FGF12: variants seen among roughly 807,000 people sequenced by gnomAD.
The protein encoded by FGF12 is fibroblast growth factor 12.
FGF12 carries 14 observed loss-of-function variants against 23.6 expected under a neutral mutation model. The ratio of observed to expected loss-of-function variants is 0.59; its 90% CI spans 0.39 to 0.93. The LOEUF is 0.93. FGF12 is among the 40% of genes least tolerant of loss of function. FGF12 has a pLI of 0.00. For synonymous variants in FGF12, 62 were observed against 77.3 expected, an observed-to-expected ratio of 0.80 and a Z score of 1.04; for missense variants, 175 against 217.8, an observed-to-expected ratio of 0.80 and a Z score of 1.24.
intron 4 of FGF12, among the ~76,000 whole-genome samples, chr3:192,190,399 C>A (rs1461272763): frequency 1.4e-5 from 2 of 146,622 alleles, no homozygotes; most frequent in Non-Finnish European, 1.5e-5. Flanking sequence ...AACAGAGCTA[C>A]AATATTCTTT....
chr3:192,319,852 CA>C (rs1560067929), intron 4 of FGF12, among the ~76,000 whole-genome samples: 1 of 151,518 alleles, frequency 6.6e-6, no homozygotes, highest in African/African-American at 2.4e-5. Flanking sequence ...AACAGATACA[CA>C]CAAAAAAATA....
chr3:192,174,075 C>T (rs1310018042), intron 4 of FGF12, among the ~76,000 whole-genome samples: 1 of 152,200 alleles, frequency 6.6e-6, no homozygotes, highest in African/African-American at 2.4e-5. Flanking sequence ...CATACGCAAT[C>T]CTGCTTTTGA....
chr3:192,386,368 G>C (rs1720041507), intron 2 of FGF12, among the ~76,000 whole-genome samples: 1 of 152,076 alleles, frequency 6.6e-6, no homozygotes, highest in Non-Finnish European at 1.5e-5. Flanking sequence ...CTTAAATATG[G>C]CTTGCAGAAA....
Position 192,409,072 on chromosome 3 carries a change from GA to G in FGF12, c.14-48535del. On this transcript the variant is annotated intron_variant, in intron 2 of 5. Coordinates refer to ENST00000445105, the MANE Select transcript of FGF12 (RefSeq NM_004113.6). The surrounding 1 kb of genome is among the most constrained non-coding windows in gnomAD (Gnocchi z 4.8). ...ACTGCAAAGAGAGCGGGAGGCGAGG[GA>G]GGGGGGAGGGCGCGAGGGAGGGAGG... 1 of 803,300 alleles carries G rather than the reference GA, an allele frequency of 1.2e-6. No individual in the cohort carries two copies. The highest frequency in any genetic ancestry group is 1.5e-6 in the Non-Finnish European group (1 of 664,174). 49.8% of individuals were successfully genotyped at this position (803,300 alleles called of 1,614,324 possible).
At chr3:192,663,430 G>A (rs1716742650) in intron 2 of FGF12, among the ~76,000 whole-genome samples, 1 of 152,144 alleles carries the variant, frequency 6.6e-6, no homozygotes, top group Non-Finnish European at 1.5e-5. Flanking sequence ...GTCCAAGGCT[G>A]GTGGGTGACT....
At chr3:192,473,371 T>A (rs1577004351) in intron 2 of FGF12, among the ~76,000 whole-genome samples, 1 of 152,162 alleles carries the variant, frequency 6.6e-6, no homozygotes, top group South Asian at 2.1e-4. Flanking sequence ...CCATCCCTTA[T>A]CATGAGTTGA....
At chr3:192,385,114 AG>A (rs1719986400) in intron 2 of FGF12, among the ~76,000 whole-genome samples, 2 of 152,198 alleles carry the variant, frequency 1.3e-5, no homozygotes, top group South Asian at 4.1e-4. Context: ...AATGAATTTC[AG>A]TGTGTCTGTG....
chr3:192,365,330 G>T (rs1213236243), intron 2 of FGF12, among the ~76,000 whole-genome samples: 1 of 150,394 alleles, frequency 6.6e-6, no homozygotes, highest in African/African-American at 2.4e-5. Flanking sequence ...TAGATAAAAG[G>T]AGTCTAAAAA....
At chr3:192,704,150 C>T (rs1219661974) in intron 2 of FGF12, among the ~76,000 whole-genome samples, 3 of 152,138 alleles carry the variant, frequency 2.0e-5, no homozygotes, top group Non-Finnish European at 4.4e-5. Flanking sequence ...ATTTACTTTG[C>T]CCAGATCCAT....
intron 4 of FGF12, among the ~76,000 whole-genome samples, chr3:192,230,031 T>A (rs956896908): frequency 1.3e-5 from 2 of 152,130 alleles, no homozygotes; most frequent in Non-Finnish European, 2.9e-5. Context: ...TCTTTCTACT[T>A]AAGCTGTGGT....
At position 192,522,131 on chromosome 3, in the gene FGF12, G is replaced by A. The variant is rs989830669; in HGVS notation, c.14-161593C>T. The stretch of plus-strand genomic sequence containing the variant: ...GAGAATGGCGTGAACCCGGGAGGCG[G>A]AGCTTGCAATGAGCCGAGATCGCGC... On this transcript the variant is annotated intron_variant, in intron 2 of 5. Transcript: ENST00000445105. 2.7e-4 allele frequency among the ~76,000 whole-genome samples: 41 copies of A among 151,618 alleles called. No individual in the cohort carries two copies. In the East Asian group the frequency reaches 4.1e-3, roughly 15 times the overall value.
At chr3:192,472,361 T>C (rs896293801) in intron 2 of FGF12, among the ~76,000 whole-genome samples, 1 of 152,142 alleles carries the variant, frequency 6.6e-6, no homozygotes, top group Admixed American at 6.5e-5. Context: ...ATTGTCCGTA[T>C]TGGGTCAGGC....
At chr3:192,407,991 C>G in intron 2 of FGF12, 1 of 1,577,414 alleles carries the variant, frequency 6.3e-7, no homozygotes, top group South Asian at 1.2e-5. Flanking sequence ...AGGGCGTCCC[C>G]TCTGGGGAGC....
chr3:192,502,909 T>C (rs1017465755), intron 2 of FGF12, among the ~76,000 whole-genome samples: 5 of 152,248 alleles, frequency 3.3e-5, no homozygotes, highest in African/African-American at 1.2e-4. Flanking sequence ...AGCTAATATC[T>C]AGCTTAACAT....
At chr3:192,381,416 C>A (rs1445851970) in intron 2 of FGF12, among the ~76,000 whole-genome samples, 1 of 152,160 alleles carries the variant, frequency 6.6e-6, no homozygotes, top group African/African-American at 2.4e-5. Context: ...TCCACCAATA[C>A]CCTGGTCTTG....
intron 2 of FGF12, among the ~76,000 whole-genome samples, chr3:192,486,156 T>C (rs1396760507): frequency 6.6e-6 from 1 of 152,172 alleles, no homozygotes; most frequent in East Asian, 1.9e-4. Flanking sequence ...CAAGTCCTTT[T>C]ATGCAGTGAT....
intron 2 of FGF12, among the ~76,000 whole-genome samples, chr3:192,365,863 GAC>G: frequency 6.6e-6 from 1 of 151,346 alleles, no homozygotes; most frequent in Non-Finnish European, 1.5e-5. Context: ...CCAGAACAGA[GAC>G]AGAGCCAAGG....
chr3:192,383,903 G>A (rs1371602472), intron 2 of FGF12, among the ~76,000 whole-genome samples: 1 of 152,142 alleles, frequency 6.6e-6, no homozygotes, highest in African/African-American at 2.4e-5. Flanking sequence ...TGGCAGTGTT[G>A]ATGTTTTGAT....
In FGF12 at chr3:192,700,552, T is replaced by C. The variant is rs1718258265; in HGVS notation, c.13+26629A>G. Among the ~76,000 whole-genome samples the C allele has an allele frequency of 1.1e-4, 17 of 152,336 alleles. No individual in the cohort carries two copies. The South Asian group carries it at 2.7e-3, about 24-fold the overall frequency. ...TTGTTTTATGTTTAACTACTTAACA[T>C]GTTTGAGCAGATACATTATTAAAGG... On this transcript the variant is annotated intron_variant, in intron 2 of 5. Coordinates refer to ENST00000445105, the MANE Select transcript of FGF12 (RefSeq NM_004113.6).
Sources: allele counts gnomAD v4.1 joint callset (sites outside exome capture counted in the v4.1 genomes callset), GRCh38; gene constraint gnomAD v4.1.1; non-coding constraint Gnocchi (gnomAD v3.1); transcripts MANE v1.5; gene names NCBI Gene and HGNC (gene_info 2026-07-23, HGNC 2026-07-21).